The following PDE4D variants were observed in gnomAD, a reference collection of about 807,000 sequenced individuals.
PDE4D encodes the protein phosphodiesterase 4D.
Under a neutral mutation model 87.4 loss-of-function variants are expected in PDE4D, and 24 were observed. The observed-to-expected ratio is 0.27, with a 90% CI of 0.20 to 0.39. The LOEUF is 0.39. Ranked by LOEUF, PDE4D falls within the 10% of genes least tolerant of loss-of-function variation. The pLI, the probability that PDE4D is intolerant of heterozygous loss-of-function variation, is 1.00. For missense variants in PDE4D, 714 were observed against 1,041.0 expected, an observed-to-expected ratio of 0.69 and a Z score of 4.32; for synonymous variants, 384 against 383.2, an observed-to-expected ratio of 1.00 and a Z score of -0.02.
chr5:60,449,928 A>G (rs1281768510), intron 1 of PDE4D, among the ~76,000 whole-genome samples: 3 of 151,040 alleles, frequency 2.0e-5, no homozygotes, highest in Non-Finnish European at 4.4e-5. Flanking sequence ...CATATGTGGG[A>G]GTTTGAGGGT....
At chr5:59,189,232 G>GTTTTTTTTTTTTTTTTTTTTTTTT (rs34203891) in intron 3 of PDE4D, among the ~76,000 whole-genome samples, 1 of 99,898 alleles carries the variant, frequency 1.0e-5, no homozygotes, top group Non-Finnish European at 2.1e-5. Context: ...TTCCTACCCC[G>GTTTTTTTTTTTTTTTTTTTTTTTT]TTTTTTTTTT....
chr5:60,438,783 C>A (rs1057380079), intron 1 of PDE4D, among the ~76,000 whole-genome samples: 21 of 151,940 alleles, frequency 1.4e-4, no homozygotes, highest in African/African-American at 4.8e-4. Flanking sequence ...GTACTCCTGA[C>A]AAAAGAAACA....
chr5:59,732,878 A>C (rs1020008061), intron 1 of PDE4D, among the ~76,000 whole-genome samples: 5 of 119,752 alleles, frequency 4.2e-5, no homozygotes, highest in Non-Finnish European at 9.5e-5. Flanking sequence ...ATAATTGAGA[A>C]TTGATGGTAT....
intron 1 of PDE4D, among the ~76,000 whole-genome samples, chr5:59,361,126 A>T (rs1782154534): frequency 6.6e-6 from 1 of 152,176 alleles, no homozygotes; most frequent in Non-Finnish European, 1.5e-5. Flanking sequence ...AAACTAACAA[A>T]GCTCCTTCTA....
rs112826953 is a variant in PDE4D, at chr5:59,356,924, G to A, written c.456-140956C>T. 3,125 of 1,440,624 alleles carry A rather than the reference G, an allele frequency of 2.2e-3. 62 individuals carry two copies. The African/African-American group carries it at 0.039, about 18-fold the overall frequency. 89.2% of individuals were successfully genotyped at this position (1,440,624 alleles called of 1,614,324 possible). ...CGGGGCTCTGGGGCCCTGAGGCCCC[G>A]CACGGAGCAGGAGGCACTTGTAGCT... On this transcript the variant is annotated intron_variant, in intron 1 of 14. Coordinates refer to ENST00000340635, the MANE Select transcript of PDE4D (RefSeq NM_001104631.2).
intron 2 of PDE4D, among the ~76,000 whole-genome samples, chr5:60,101,730 A>C (rs984427282): frequency 1.3e-5 from 2 of 152,154 alleles, no homozygotes; most frequent in African/African-American, 4.8e-5. Flanking sequence ...AATTGTCTCT[A>C]AAAATGCTAA....
intron 2 of PDE4D, among the ~76,000 whole-genome samples, chr5:60,037,141 G>A (rs1767901794): frequency 6.6e-6 from 1 of 152,158 alleles, no homozygotes; most frequent in South Asian, 2.1e-4. Flanking sequence ...GAGAATGTAT[G>A]TGGATAACAC....
intron 1 of PDE4D, among the ~76,000 whole-genome samples, chr5:60,373,405 G>A (rs532115234): frequency 1.6e-4 from 24 of 152,094 alleles, no homozygotes; most frequent in Admixed American, 7.9e-4. Flanking sequence ...TTTACTCTAC[G>A]TGTATAGACC....
intron 5 of PDE4D, among the ~76,000 whole-genome samples, chr5:59,046,440 G>GTGTA (rs1163105320): frequency 2.0e-5 from 3 of 151,476 alleles, no homozygotes; most frequent in East Asian, 3.9e-4. Context: ...GTGTGTGTGT[G>GTGTA]TGTATGTGTG....
intron 1 of PDE4D, among the ~76,000 whole-genome samples, chr5:59,762,668 GTATGTGTA>G (rs1471115834): frequency 1.8e-5 from 2 of 109,724 alleles, no homozygotes; most frequent in Non-Finnish European, 4.0e-5. Context: ...ATATAGGTAC[GTATGTGTA>G]TATGTGTATA....
chr5:60,244,423 A>G (rs1747470251), intron 1 of PDE4D, among the ~76,000 whole-genome samples: 1 of 152,092 alleles, frequency 6.6e-6, no homozygotes, highest in East Asian at 1.9e-4. Flanking sequence ...TACTGATGAC[A>G]TTCTTTACAG....
intron 6 of PDE4D, among the ~76,000 whole-genome samples, chr5:59,001,480 CA>C (rs1276079282): frequency 3.9e-5 from 6 of 152,166 alleles, no homozygotes; most frequent in African/African-American, 1.2e-4. Flanking sequence ...TCATTTCCAT[CA>C]CTCTTACTCC....
At chr5:59,363,356 T>G (rs546772060) in intron 1 of PDE4D, among the ~76,000 whole-genome samples, 1 of 152,300 alleles carries the variant, frequency 6.6e-6, no homozygotes, top group Admixed American at 6.5e-5. Context: ...AACGAAGACT[T>G]ACGAAGTTGA....
chr5:59,872,751 G>A (rs1244477676), intron 1 of PDE4D, among the ~76,000 whole-genome samples: 2 of 152,104 alleles, frequency 1.3e-5, no homozygotes, highest in Admixed American at 6.5e-5. Context: ...CTAGAAGCTA[G>A]AGAACAAAGT....
rs1156467369 is a variant in PDE4D, at chr5:59,649,905, C to CTTTTTTTTTTTTT, written c.455+243250_455+243262dup. Among the ~76,000 whole-genome samples, 45 of 72,432 alleles carry CTTTTTTTTTTTTT rather than the reference C, an allele frequency of 6.2e-4. 5 individuals carry two copies. The highest frequency in any genetic ancestry group is 1.6e-3 in the African/African-American group (25 of 15,156). 47.5% of individuals were successfully genotyped at this position (72,432 alleles called of 152,430 possible). ...GTTAAAATGTTGATAGTTTGTGAAC[C>CTTTTTTTTTTTTT]TTTTTTTTTTTTTTTTTTTTTTTTT... On this transcript the variant is annotated intron_variant, in intron 1 of 14. Coordinates refer to ENST00000340635, the MANE Select transcript of PDE4D (RefSeq NM_001104631.2).
At chr5:60,001,546 C>G (rs913771535) in intron 2 of PDE4D, among the ~76,000 whole-genome samples, 1 of 151,904 alleles carries the variant, frequency 6.6e-6, no homozygotes, top group African/African-American at 2.4e-5. Flanking sequence ...AACATAAATA[C>G]ATATATAAGT....
chr5:60,493,151 C>A (rs770529586), intron 1 of PDE4D, among the ~76,000 whole-genome samples: 1 of 152,058 alleles, frequency 6.6e-6, no homozygotes, highest in Admixed American at 6.6e-5. Flanking sequence ...AGGACACTAA[C>A]CCAGGACATG....
At chr5:59,134,007 G>GTTGTTGTTA (rs1776665970) in intron 5 of PDE4D, among the ~76,000 whole-genome samples, 1 of 151,198 alleles carries the variant, frequency 6.6e-6, no homozygotes, top group African/African-American at 2.4e-5. Context: ...TGTTGTTGTT[G>GTTGTTGTTA]TTGTTGGGAA....
At chr5:60,168,517 G>A (rs573606980) in intron 2 of PDE4D, among the ~76,000 whole-genome samples, 6 of 152,228 alleles carry the variant, frequency 3.9e-5, no homozygotes, top group East Asian at 3.9e-4. Flanking sequence ...TAGGTAGGCC[G>A]CATAGCCACA....
Sources: allele counts gnomAD v4.1 joint callset (sites outside exome capture counted in the v4.1 genomes callset), GRCh38; gene constraint gnomAD v4.1.1; transcripts MANE v1.5; gene names NCBI Gene and HGNC (gene_info 2026-07-23, HGNC 2026-07-21).